The following MLLT10 variants were observed in gnomAD, a reference collection of about 807,000 sequenced individuals.
The protein encoded by MLLT10 is MLLT10 histone lysine methyltransferase DOT1L cofactor, also known as protein AF-10.
MLLT10 carries 30 observed loss-of-function variants against 129.1 expected under a neutral mutation model. That is an observed-to-expected ratio of 0.23 (90% confidence interval 0.17 to 0.32). The LOEUF is 0.32. Among genes scored for constraint, MLLT10 ranks in the 10% least tolerant of loss-of-function variants. MLLT10 has a pLI of 1.00. For missense variants in MLLT10, 1,119 were observed against 1,268.3 expected, an observed-to-expected ratio of 0.88 and a Z score of 1.79; for synonymous variants, 490 against 446.4, an observed-to-expected ratio of 1.10 and a Z score of -1.23.
At chr10:21,627,249 C>T (rs2046548221) in intron 8 of MLLT10, among the ~76,000 whole-genome samples, 1 of 152,116 alleles carries the variant, frequency 6.6e-6, no homozygotes, top group Non-Finnish European at 1.5e-5. Flanking sequence ...TGAACCATTG[C>T]AGGGTAAATT....
At chr10:21,719,028 C>G (rs918395939) in intron 14 of MLLT10, among the ~76,000 whole-genome samples, 6 of 152,162 alleles carry the variant, frequency 3.9e-5, no homozygotes, top group Non-Finnish European at 7.4e-5. Context: ...GGGCATATTT[C>G]TGTATTTTAA....
chr10:21,679,920 C>T (rs1433061552), intron 11 of MLLT10, among the ~76,000 whole-genome samples: 1 of 152,140 alleles, frequency 6.6e-6, no homozygotes, highest in Non-Finnish European at 1.5e-5. Context: ...CCCAGTTATC[C>T]CTCCTTTAAA....
intron 5 of MLLT10, among the ~76,000 whole-genome samples, chr10:21,603,248 G>A (rs1344780066): frequency 3.8e-5 from 5 of 130,184 alleles, no homozygotes; most frequent in African/African-American, 1.1e-4. Context: ...TGTATTTTTA[G>A]TAGAGGCGGG....
At chr10:21,539,070 AT>A (rs2034603569) in intron 3 of MLLT10, 158 bp downstream of exon 3, 1 of 507,770 alleles carries the variant, frequency 2.0e-6, no homozygotes, top group Non-Finnish European at 3.5e-6. Flanking sequence ...TATTAAACAG[AT>A]TTTGTAAAAC....
At chr10:21,549,782 G>T (rs1044791440) in intron 3 of MLLT10, among the ~76,000 whole-genome samples, 1 of 151,870 alleles carries the variant, frequency 6.6e-6, no homozygotes, top group African/African-American at 2.4e-5. Context: ...GGGATTACAG[G>T]TGTGTGCCAC....
At chr10:21,643,318 C>T (rs2048191995) in intron 8 of MLLT10, among the ~76,000 whole-genome samples, 1 of 152,206 alleles carries the variant, frequency 6.6e-6, no homozygotes, top group Non-Finnish European at 1.5e-5. Context: ...CAGGTGTGAG[C>T]CACCGCGCCC....
chr10:21,649,588 T>C (rs143701980), intron 8 of MLLT10, among the ~76,000 whole-genome samples: 49 of 152,322 alleles, frequency 3.2e-4, no homozygotes, highest in Non-Finnish European at 4.4e-4. Context: ...AGCTGGGTGT[T>C]CAGTGTTGGT....
In MLLT10 at chr10:21,741,956, T is replaced by C. The variant is rs1257943194; in HGVS notation, c.3180T>C (p.Thr1060=). The change falls in exon 23 of 23, where the codon ACT becomes ACC. Residue 1060 remains threonine (T), a synonymous_variant. Transcript: ENST00000307729. ...SQKVARLSDK[T]GPVAQEKS is the part of the protein sequence containing the mutation. The stretch of plus-strand genomic sequence containing the variant: ...ACCTGCAGAGACTTAGTGATAAAAC[T>C]GGGCCTGTAGCTCAAGAGAAAAGTT... The C allele has an allele frequency of 6.2e-7, 1 of 1,612,148 alleles. No homozygotes were observed. The highest frequency in any genetic ancestry group is 1.1e-5 in the South Asian group (1 of 90,882).
At position 21,534,377 on chromosome 10, in the gene MLLT10, T is replaced by C; in HGVS notation, c.-144T>C. ...GTGTGCCCTCTCCGGGCGCCCGCGT[T>C]AGCGGCCGGGTGGAGGTGGGGAGGG... On this transcript the variant is annotated 5_prime_UTR_variant, in exon 1 of 23. The change abolishes the stop of an existing upstream ORF in the 5' untranslated region. Transcript: ENST00000307729. The C allele has an allele frequency of 2.6e-6, 1 of 391,048 alleles. No individual in the cohort carries two copies. The highest frequency in any genetic ancestry group is 4.7e-6 in the Non-Finnish European group (1 of 213,824). The allele number at this position is 391,048 out of a possible 1,614,324, so 24.2% of individuals were successfully genotyped here. A position where few individuals can be genotyped will look rare whatever the true frequency, so the allele number is the denominator to read the frequency against.
At chr10:21,722,061 T>C (rs1171538304) in intron 14 of MLLT10, among the ~76,000 whole-genome samples, 1 of 151,910 alleles carries the variant, frequency 6.6e-6, no homozygotes, top group Non-Finnish European at 1.5e-5. Flanking sequence ...ATATATATTA[T>C]CCTTACATAA....
At chr10:21,696,397 G>GT in intron 13 of MLLT10, among the ~76,000 whole-genome samples, 1 of 152,052 alleles carries the variant, frequency 6.6e-6, no homozygotes, top group Admixed American at 6.5e-5. Context: ...AGGGTTTTAG[G>GT]TTGTCTGATC....
At chr10:21,576,174 C>A (rs2131052736) in intron 3 of MLLT10, among the ~76,000 whole-genome samples, 1 of 152,132 alleles carries the variant, frequency 6.6e-6, no homozygotes, top group East Asian at 1.9e-4. Context: ...TGATCAAGTG[C>A]CCGCCTTGGC....
intron 8 of MLLT10, among the ~76,000 whole-genome samples, chr10:21,639,930 T>A (rs1409714075): frequency 2.6e-5 from 4 of 151,768 alleles, no homozygotes; most frequent in African/African-American, 9.7e-5. Flanking sequence ...GCAGGAAAGG[T>A]CCGAAAGAGA....
In MLLT10 at chr10:21,681,328, A is replaced by T; in HGVS notation, c.1622-4A>T. ...CTGATTTCCTTTTTCCTTCCTCTCA[A>T]CAGAAATTTCCATGCAGTATCGGCA... On this transcript the variant is annotated splice_polypyrimidine_tract_variant and splice_region_variant and intron_variant, in intron 11 of 22. Transcript: ENST00000307729. 4.3e-6 allele frequency: 7 copies of T among 1,612,318 alleles called. No homozygotes were observed. Among genetic ancestry groups the T allele is most frequent in the Non-Finnish European group, 5.9e-6 (7 of 1,179,628 alleles).
intron 2 of MLLT10, among the ~76,000 whole-genome samples, chr10:21,537,987 G>A (rs542681254): frequency 6.6e-6 from 1 of 151,406 alleles, no homozygotes; most frequent in South Asian, 2.1e-4. Flanking sequence ...ACATCATTAT[G>A]TATTTAGAAA....
chr10:21,550,249 A>G (rs995278252), intron 3 of MLLT10, among the ~76,000 whole-genome samples: 1 of 152,084 alleles, frequency 6.6e-6, no homozygotes, highest in African/African-American at 2.4e-5. Flanking sequence ...TTCCCTCAGT[A>G]TCCCCTTGGA....
chr10:21,606,422 G>C lies in MLLT10; in HGVS notation c.406-5926G>C, dbSNP rs770964826. On this transcript the variant is annotated intron_variant, in intron 5 of 22. Transcript: ENST00000307729. ...CGAAAGGCTATGGCTGCTATACAGA[G>C]GATGATTCCTCTGATGGATCTGGGC... Among the ~76,000 whole-genome samples the C allele has an allele frequency of 3.3e-5, 5 of 152,198 alleles. 1 individual carries two copies. Among genetic ancestry groups the C allele is most frequent in the Middle Eastern group, 6.3e-3 (2 of 316 alleles).
chr10:21,729,631 C>T (rs988999110), intron 16 of MLLT10, among the ~76,000 whole-genome samples: 5 of 152,228 alleles, frequency 3.3e-5, no homozygotes, highest in African/African-American at 9.7e-5. Context: ...TAGCCCAGCT[C>T]TTGTCACCTC....
Position 21,741,808 on chromosome 10 carries a change from G to A in MLLT10, c.3163-131G>A, listed in dbSNP as rs989409387. The A allele has an allele frequency of 4.2e-5, 35 of 841,134 alleles. 1 individual carries two copies. In the Admixed American group the frequency reaches 8.2e-4, roughly 20 times the overall value. The allele number at this position is 841,134 out of a possible 1,614,324, so 52.1% of individuals were successfully genotyped here. On this transcript the variant is annotated intron_variant, in intron 22 of 22. Transcript: ENST00000307729. ...ATGTCTATATATTACGTTGCAAGTAGCCTTGCCAACTTGCAAGAAAAAAGG... is the reference window on the plus strand; with the variant it reads ...ATGTCTATATATTACGTTGCAAGTAACCTTGCCAACTTGCAAGAAAAAAGG...
Sources: gnomAD v4.1 joint callset for allele counts (sites outside exome capture counted in the v4.1 genomes callset) on GRCh38, gnomAD v4.1.1 for gene constraint, MANE v1.5 for transcripts, NCBI Gene and HGNC (gene_info 2026-07-23, HGNC 2026-07-21) for gene names.